Variants in TACC2 observed in about 807,000 individuals in gnomAD.
TACC2 encodes the protein transforming acidic coiled-coil containing protein 2, also known as transforming acidic coiled-coil-containing protein 2.
A neutral mutation model predicts 227.3 loss-of-function variants in TACC2; 137 were observed. The observed-to-expected ratio is 0.60, with a 90% CI of 0.52 to 0.69. The LOEUF is 0.69. Among genes scored for constraint, TACC2 ranks in the 30% least tolerant of loss-of-function variants. The pLI, the probability that TACC2 is intolerant of heterozygous loss-of-function variation, is 0.00. For missense variants in TACC2, 3,470 were observed against 3,694.4 expected, an observed-to-expected ratio of 0.94 and a Z score of 1.57; for synonymous variants, 1,523 against 1,487.5, an observed-to-expected ratio of 1.02 and a Z score of -0.55.
chr10:122,203,498 G>C (rs1025515681), intron 8 of TACC2, among the ~76,000 whole-genome samples: 1 of 142,846 alleles, frequency 7.0e-6, no homozygotes, highest in East Asian at 2.2e-4. Flanking sequence ...GCTGCCGGGC[G>C]GAGGGGCTCC....
At chr10:122,216,513 C>T (rs547055402) in intron 10 of TACC2, 114 bp from the exon 11 acceptor site, 10 of 963,098 alleles carry the variant, frequency 1.0e-5, no homozygotes, top group African/African-American at 8.2e-5. Flanking sequence ...GAAGAGCATG[C>T]AGAGGATTGT....
chr10:122,205,627 A>T lies in TACC2; in HGVS notation c.5972-4770A>T, dbSNP rs1241386256. 6.6e-6 allele frequency among the ~76,000 whole-genome samples: 1 copy of T among 152,168 alleles called. No homozygotes were observed. The highest frequency in any genetic ancestry group is 2.4e-5 in the African/African-American group (1 of 41,446). ...AGATAGCCCAGTTCCAGACTTCCCG[A>T]TGAGGAGGCGCACCTGTGGCACCTG... On this transcript the variant is annotated intron_variant, in intron 8 of 22. Transcript: ENST00000369005. This position sits in a 1 kb window ranked among gnomAD's most constrained non-coding sequence, Gnocchi z 4.5.
At chr10:122,156,012 T>A (rs1207812832) in intron 7 of TACC2, among the ~76,000 whole-genome samples, 1 of 150,564 alleles carries the variant, frequency 6.6e-6, no homozygotes, top group Non-Finnish European at 1.5e-5. Flanking sequence ...TAATTTTTTG[T>A]ATTTTTAGTA....
At chr10:122,101,879 T>C (rs950320841) in intron 5 of TACC2, among the ~76,000 whole-genome samples, 2 of 151,156 alleles carry the variant, frequency 1.3e-5, no homozygotes, top group African/African-American at 4.9e-5. Flanking sequence ...GCCAACCCCA[T>C]CCTTTTTTTA....
At chr10:122,211,755 A>C in intron 9 of TACC2, 47 bp downstream of exon 9, 1 of 1,486,016 alleles carries the variant, frequency 6.7e-7, no homozygotes, top group Non-Finnish European at 9.0e-7. Context: ...GGGGGTGCGC[A>C]TTGGCTGTGA....
intron 17 of TACC2, 117 bp downstream of exon 17, chr10:122,237,655 A>G (rs1015514956): frequency 2.3e-6 from 3 of 1,289,562 alleles, no homozygotes; most frequent in East Asian, 2.4e-5. Context: ...CTGCAGGCAA[A>G]GATGTGTGGC....
At chr10:122,206,417 A>C (rs1394450237) in intron 8 of TACC2, among the ~76,000 whole-genome samples, 1 of 152,214 alleles carries the variant, frequency 6.6e-6, no homozygotes, top group Non-Finnish European at 1.5e-5. Flanking sequence ...GAGACAGTTA[A>C]GGTTGAATGG....
chr10:122,106,568 G>A (rs1232757329), intron 5 of TACC2, among the ~76,000 whole-genome samples: 2 of 152,220 alleles, frequency 1.3e-5, no homozygotes, highest in Non-Finnish European at 2.9e-5. Context: ...TTGGTGGACA[G>A]GGCCACAGTT....
intron 2 of TACC2, among the ~76,000 whole-genome samples, chr10:122,037,243 T>C (rs1327125296): frequency 2.0e-5 from 3 of 152,262 alleles, no homozygotes; most frequent in Non-Finnish European, 4.4e-5. Context: ...AGGCAAATTA[T>C]GGTGAGCTGT....
chr10:122,173,980 C>T (rs1431553318), intron 7 of TACC2, among the ~76,000 whole-genome samples: 1 of 152,208 alleles, frequency 6.6e-6, no homozygotes, highest in African/African-American at 2.4e-5. Context: ...TGAGCCAAGC[C>T]AAGCCTAGGC....
chr10:122,230,401 G>A lies in TACC2; in HGVS notation c.8088G>A (p.Arg2696=). 1 of 1,614,172 alleles carries A rather than the reference G, an allele frequency of 6.2e-7. No individual in the cohort carries two copies. Among genetic ancestry groups the A allele is most frequent in the Non-Finnish European group, 8.5e-7 (1 of 1,180,030 alleles). ...GGATAGAAGCCCTGAAGCTGGCCAG[G>A]CAGATTGCTTTGGCTTCCCGCAGCC... The part of the protein sequence containing the change: ...IMRIEALKLA[R]QIALASRSHQ... The change falls in exon 16 of 23, where the codon AGG becomes AGA. Residue 2696 remains arginine, a synonymous_variant. Transcript: ENST00000369005.
At chr10:121,992,821 A>G (rs10159535) in intron 1 of TACC2, among the ~76,000 whole-genome samples, 24,252 of 151,976 alleles carry the variant, frequency 0.16, 2,255 homozygotes, top group Admixed American at 0.24. Context: ...CAGGCGTGGC[A>G]GTGGGCACCT....
At chr10:122,203,840 C>G (rs1402746958) in intron 8 of TACC2, among the ~76,000 whole-genome samples, 2 of 152,074 alleles carry the variant, frequency 1.3e-5, no homozygotes, top group African/African-American at 4.8e-5. Context: ...GAGCCGAGAT[C>G]ACGCCACTGC....
chr10:122,113,554 G>A (rs1402585760), intron 5 of TACC2, among the ~76,000 whole-genome samples: 2 of 152,108 alleles, frequency 1.3e-5, no homozygotes, highest in Non-Finnish European at 2.9e-5. Flanking sequence ...GTCCCCGCGC[G>A]TGGTTGTGGT....
In TACC2 at chr10:122,076,466, G is replaced by A. The variant is rs77315329; in HGVS notation, c.147-6181G>A. 4.6e-3 allele frequency among the ~76,000 whole-genome samples: 703 copies of A among 152,172 alleles called. 3 individuals carry two copies. The highest frequency in any genetic ancestry group is 0.016 in the African/African-American group (666 of 41,516). On this transcript the variant is annotated intron_variant, in intron 3 of 22. Transcript: ENST00000369005. ...AACCCACTGGCTTTCATTCTACCCC[G>A]GCTTTCCTTTTCCAGAAGGCACACC...
At chr10:122,064,647 A>T (rs1243878702) in intron 3 of TACC2, among the ~76,000 whole-genome samples, 1 of 152,224 alleles carries the variant, frequency 6.6e-6, no homozygotes, top group East Asian at 1.9e-4. Context: ...TTTGTGTTGT[A>T]CATTCTGATG....
At chr10:122,009,275 G>A (rs1955634041) in intron 1 of TACC2, among the ~76,000 whole-genome samples, 3 of 152,182 alleles carry the variant, frequency 2.0e-5, no homozygotes, top group Admixed American at 2.0e-4. Flanking sequence ...TTGGGAGGAA[G>A]TATTGGGAGA....
intron 1 of TACC2, among the ~76,000 whole-genome samples, chr10:122,000,553 C>G (rs1044834035): frequency 6.6e-6 from 1 of 152,144 alleles, no homozygotes; most frequent in South Asian, 2.1e-4. Flanking sequence ...GGGCTCTAGT[C>G]ACAAATGAGG....
chr10:122,230,169 A>G (rs1452519949), intron 15 of TACC2, among the ~76,000 whole-genome samples, 182 bp from the exon 16 acceptor site: 3 of 152,256 alleles, frequency 2.0e-5, no homozygotes, highest in Non-Finnish European at 4.4e-5. Flanking sequence ...TTAGAAAAGG[A>G]AATTAAATGC....
Sources: allele counts gnomAD v4.1 joint callset (sites outside exome capture counted in the v4.1 genomes callset), GRCh38; gene constraint gnomAD v4.1.1; non-coding constraint Gnocchi (gnomAD v3.1); transcripts MANE v1.5; gene names NCBI Gene and HGNC (gene_info 2026-07-23, HGNC 2026-07-21).